Variants in DYRK1A observed in about 807,000 individuals in gnomAD.
DYRK1A encodes dual specificity tyrosine phosphorylation regulated kinase 1A.
DYRK1A carries 9 observed loss-of-function variants against 79.7 expected under a neutral mutation model. The ratio of observed to expected loss-of-function variants is 0.11; its 90% CI spans 0.07 to 0.20. The LOEUF is 0.20. Ranked by LOEUF, DYRK1A falls within the 10% of genes least tolerant of loss-of-function variation. The pLI, the probability that DYRK1A is intolerant of heterozygous loss-of-function variation, is 1.00. For synonymous variants in DYRK1A, 349 were observed against 329.7 expected, an observed-to-expected ratio of 1.06 and a Z score of -0.63; for missense variants, 622 against 956.0, an observed-to-expected ratio of 0.65 and a Z score of 4.61.
At chr21:37,479,619 G>GTTTGTTTTTTT (rs2052550594) in intron 4 of DYRK1A, among the ~76,000 whole-genome samples, 1 of 73,900 alleles carries the variant, frequency 1.4e-5, no homozygotes, top group Non-Finnish European at 2.3e-5. Context: ...TTTGTTTTTT[G>GTTTGTTTTTTT]TTTTTTTTTT....
chr21:37,393,185 G>C (rs2049902633), intron 1 of DYRK1A, among the ~76,000 whole-genome samples: 1 of 152,170 alleles, frequency 6.6e-6, no homozygotes. Context: ...CAGGATGCTT[G>C]CCACATGATG....
At chr21:37,440,171 T>C (rs1193575912) in intron 2 of DYRK1A, among the ~76,000 whole-genome samples, 1 of 135,080 alleles carries the variant, frequency 7.4e-6, no homozygotes. Context: ...AGTTTCACTC[T>C]GTTTCCCAGG....
In DYRK1A at chr21:37,525,750, C is replaced by T. The variant is rs1351082552; in HGVS notation, c.*13219C>T. 2 of 152,172 alleles carry T rather than the reference C, an allele frequency of 1.3e-5. No homozygotes were observed. The highest frequency in any genetic ancestry group is 2.9e-5 in the Non-Finnish European group (2 of 68,036). 9.4% of individuals were successfully genotyped at this position (152,172 alleles called of 1,614,324 possible). ...CTCTTGTGGACTTCACTATCAACAG[C>T]TCTCATGAATTTTTGTCAGAAATAT... is the stretch of plus-strand genomic sequence containing the variant. On this transcript the variant is annotated 3_prime_UTR_variant, in exon 12 of 12. Transcript: ENST00000647188.
At chr21:37,451,763 C>G (rs965606114) in intron 2 of DYRK1A, among the ~76,000 whole-genome samples, 1 of 152,176 alleles carries the variant, frequency 6.6e-6, no homozygotes, top group Non-Finnish European at 1.5e-5. Flanking sequence ...TTTCTTAGAA[C>G]ATATCCTCAT....
chr21:37,419,498 G>A (rs2050422731), intron 1 of DYRK1A: 1 of 152,180 alleles, frequency 6.6e-6, no homozygotes, highest in African/African-American at 2.4e-5. Context: ...GCTGACCTAG[G>A]AACTTGGCCA....
intron 1 of DYRK1A, among the ~76,000 whole-genome samples, chr21:37,369,757 G>A (rs1466701578): frequency 1.3e-5 from 2 of 152,218 alleles, no homozygotes; most frequent in African/African-American, 4.8e-5. Flanking sequence ...ATTATTGGTA[G>A]GGGTGGGAAA....
At chr21:37,487,125 T>C (rs1024294) in intron 6 of DYRK1A, 67,755 of 151,952 alleles carry the variant, frequency 0.45, 15,909 homozygotes, top group East Asian at 0.57. Flanking sequence ...CTTATTGAAT[T>C]TCTACCACAT....
intron 2 of DYRK1A, among the ~76,000 whole-genome samples, chr21:37,422,020 G>C (rs2050489858): frequency 1.3e-5 from 2 of 152,034 alleles, no homozygotes; most frequent in African/African-American, 2.4e-5. Context: ...TCTTTTTCTT[G>C]AAAGGCTTAT....
chr21:37,494,818 C>A (rs1001202538), intron 8 of DYRK1A, among the ~76,000 whole-genome samples: 1 of 151,734 alleles, frequency 6.6e-6, no homozygotes, highest in African/African-American at 2.4e-5. Flanking sequence ...TGTGGTGTTG[C>A]GTGCCTGTAA....
Position 37,505,314 on chromosome 21 carries a change from A to G in DYRK1A, c.1244A>G (p.His415Arg), listed in dbSNP as rs758520806. 6.2e-7 allele frequency: 1 copy of G among 1,613,936 alleles called. No homozygotes were observed. Among genetic ancestry groups the G allele is most frequent in the Non-Finnish European group, 8.5e-7 (1 of 1,179,830 alleles). The stretch of plus-strand genomic sequence containing the variant: ...AAACCACCAGGAACCCGTAAACTTC[A>G]TAACATTCTTGGAGTGGAAACAGGA... ...EYKPPGTRKL[H>R]NILGVETGGP... Residue 415 changes from histidine to arginine, a missense_variant, in exon 10 of 12, where the codon CAT (histidine) becomes CGT (arginine). Around this residue, in one of 5 missense-constraint regions of DYRK1A, gnomAD observed 80 missense variants for 116.5 expected, o/e 0.69. Coordinates refer to ENST00000647188, the MANE Select transcript of DYRK1A (RefSeq NM_001347721.2).
At position 37,516,390 on chromosome 21, in the gene DYRK1A, G is replaced by C. The variant is rs904577111; in HGVS notation, c.*3859G>C. Reference sequence around the variant, plus strand: ...CTTTGGTGTCAGGGAGAGTAGAGGAGAAGTTCTGATTTTCATAACCCTGGT... The same window carrying C: ...CTTTGGTGTCAGGGAGAGTAGAGGACAAGTTCTGATTTTCATAACCCTGGT... On this transcript the variant is annotated 3_prime_UTR_variant, in exon 12 of 12. Transcript: ENST00000647188. 1 of 152,216 alleles carries C rather than the reference G, an allele frequency of 6.6e-6. No homozygotes were observed. The highest frequency in any genetic ancestry group is 1.5e-5 in the Non-Finnish European group (1 of 68,040). 9.4% of individuals were successfully genotyped at this position (152,216 alleles called of 1,614,324 possible). A position where few individuals can be genotyped will look rare whatever the true frequency, so the allele number is the denominator to read the frequency against.
intron 2 of DYRK1A, among the ~76,000 whole-genome samples, chr21:37,450,523 A>C (rs540236884): frequency 6.6e-6 from 1 of 152,292 alleles, no homozygotes; most frequent in East Asian, 1.9e-4. Context: ...ATATTTAGTA[A>C]GTGCCTTTTA....
chr21:37,495,355 T>G (rs1001454446), intron 8 of DYRK1A, among the ~76,000 whole-genome samples: 1 of 151,804 alleles, frequency 6.6e-6, no homozygotes, highest in Non-Finnish European at 1.5e-5. Flanking sequence ...ACAAAAACTT[T>G]TAAAAATTAG....
At chr21:37,404,100 G>A (rs933218051) in intron 1 of DYRK1A, among the ~76,000 whole-genome samples, 2 of 151,946 alleles carry the variant, frequency 1.3e-5, no homozygotes, top group South Asian at 4.1e-4. Flanking sequence ...GTGTATTAGG[G>A]TTCTCCAGAG....
intron 5 of DYRK1A, among the ~76,000 whole-genome samples, chr21:37,481,848 TA>T (rs34372747): frequency 0.079 from 11,684 of 147,210 alleles, 1,485 homozygotes; most frequent in African/African-American, 0.27. Flanking sequence ...TCTATTCATT[TA>T]AAAAAAAAAA....
At chr21:37,492,256 A>T (rs993921962) in intron 7 of DYRK1A, among the ~76,000 whole-genome samples, 2 of 152,246 alleles carry the variant, frequency 1.3e-5, no homozygotes, top group Non-Finnish European at 2.9e-5. Context: ...TTTCAGTGGG[A>T]ACCACAGAAA....
chr21:37,400,367 G>A (rs1485149328), intron 1 of DYRK1A, among the ~76,000 whole-genome samples: 4 of 152,106 alleles, frequency 2.6e-5, no homozygotes, highest in African/African-American at 9.7e-5. Flanking sequence ...CACAGTGTAG[G>A]ATGTAGATAT....
At chr21:37,495,147 G>T in intron 8 of DYRK1A, among the ~76,000 whole-genome samples, 1 of 134,950 alleles carries the variant, frequency 7.4e-6, no homozygotes, top group African/African-American at 2.8e-5. Flanking sequence ...TAAGCCTCTG[G>T]GATTTTGTGT....
At chr21:37,451,140 G>A (rs2148501688) in intron 2 of DYRK1A, among the ~76,000 whole-genome samples, 1 of 152,282 alleles carries the variant, frequency 6.6e-6, no homozygotes, top group African/African-American at 2.4e-5. Flanking sequence ...CAGTTGTGCA[G>A]TGTTTTAAGC....
Sources: allele counts gnomAD v4.1 joint callset (sites outside exome capture counted in the v4.1 genomes callset), GRCh38; gene constraint gnomAD v4.1.1; regional missense constraint gnomAD v4.1.1; transcripts MANE v1.5; gene names NCBI Gene and HGNC (gene_info 2026-07-23, HGNC 2026-07-21).